Variants in GSR observed in about 807,000 individuals in gnomAD.
GSR encodes glutathione-disulfide reductase, also known as glutathione reductase, mitochondrial.
In GSR, 48 loss-of-function variants were observed where a neutral mutation model predicts 56.5. That is an observed-to-expected ratio of 0.85 (90% CI 0.67 to 1.08). The LOEUF is 1.08. Among genes scored for constraint, GSR ranks in the 50% least tolerant of loss-of-function variants. GSR has a pLI of 0.00. For synonymous variants in GSR, 264 were observed against 270.8 expected, an observed-to-expected ratio of 0.97 and a Z score of 0.25; for missense variants, 694 against 703.3, an observed-to-expected ratio of 0.99 and a Z score of 0.15.
chr8:30,716,360 A>G (rs950175722), intron 1 of GSR, among the ~76,000 whole-genome samples: 1 of 152,226 alleles, frequency 6.6e-6, no homozygotes, highest in African/African-American at 2.4e-5. Context: ...GGCCTGGGGC[A>G]CTGGTTGAAA....
chr8:30,694,063 G>A (rs1803472363), intron 7 of GSR, among the ~76,000 whole-genome samples: 1 of 152,106 alleles, frequency 6.6e-6, no homozygotes, highest in African/African-American at 2.4e-5. Context: ...CTAATTTGCT[G>A]GATATATTCT....
intron 6 of GSR, among the ~76,000 whole-genome samples, chr8:30,697,219 A>G (rs377231322): frequency 5.9e-5 from 9 of 151,996 alleles, no homozygotes; most frequent in African/African-American, 2.2e-4. Flanking sequence ...TTCGAGACCA[A>G]TCTGGCCAAC....
chr8:30,724,587 T>G, intron 1 of GSR, among the ~76,000 whole-genome samples: 1 of 146,182 alleles, frequency 6.8e-6, no homozygotes, highest in Non-Finnish European at 1.5e-5. Flanking sequence ...CTCACTCTGT[T>G]GCCCACACTG....
chr8:30,725,900 AG>A (rs1259739458), intron 1 of GSR, among the ~76,000 whole-genome samples: 2 of 151,490 alleles, frequency 1.3e-5, no homozygotes, highest in African/African-American at 4.9e-5. Flanking sequence ...AAAAAAAAAA[AG>A]AATTCATAAC....
Position 30,681,787 on chromosome 8 carries a change from G to A in GSR, c.1285+143C>T, listed in dbSNP as rs908936850. The A allele has an allele frequency of 5.3e-6, 4 of 754,556 alleles. No individual in the cohort carries two copies. The African/African-American group carries it at 6.9e-5, about 13-fold the overall frequency. The allele number at this position is 754,556 out of a possible 1,614,324, so 46.7% of individuals were successfully genotyped here. On this transcript the variant is annotated intron_variant, in intron 11 of 12. Coordinates refer to ENST00000221130, the MANE Select transcript of GSR (RefSeq NM_000637.5). The stretch of plus-strand genomic sequence containing the variant: ...AAAGTAGTAGCAGGGGAGAAAACTG[G>A]AACTGTGACAAGAGAGTAACCAAAA...
At chr8:30,724,261 C>T (rs11992338) in intron 1 of GSR, among the ~76,000 whole-genome samples, 16,545 of 152,156 alleles carry the variant, frequency 0.11, 2,797 homozygotes, top group African/African-American at 0.36. Flanking sequence ...TTCTATTGGG[C>T]ATCGCCAAGG....
At chr8:30,684,246 A>T in intron 9 of GSR, 47 bp from the exon 10 acceptor site, 1 of 1,030,750 alleles carries the variant, frequency 9.7e-7, no homozygotes. Context: ...CCACCTACTA[A>T]AAAAGGTAGA....
chr8:30,681,561 T>C (rs1586031253), intron 11 of GSR, among the ~76,000 whole-genome samples: 1 of 151,822 alleles, frequency 6.6e-6, no homozygotes, highest in Non-Finnish European at 1.5e-5. Context: ...ACTCGGTTTA[T>C]GTAAGGGCCA....
intron 1 of GSR, among the ~76,000 whole-genome samples, chr8:30,725,128 C>A (rs1804681577): frequency 6.6e-6 from 1 of 152,062 alleles, no homozygotes; most frequent in Non-Finnish European, 1.5e-5. Context: ...TCCCTACCCA[C>A]CCCCAATCCC....
At chr8:30,694,256 T>A (rs1803477797) in intron 7 of GSR, among the ~76,000 whole-genome samples, 1 of 152,150 alleles carries the variant, frequency 6.6e-6, no homozygotes, top group African/African-American at 2.4e-5. Flanking sequence ...ATCTTGGTAG[T>A]CAGGGATCTG....
At chr8:30,723,665 G>T (rs1290602788) in intron 1 of GSR, among the ~76,000 whole-genome samples, 2 of 151,794 alleles carry the variant, frequency 1.3e-5, no homozygotes, top group Non-Finnish European at 2.9e-5. Context: ...GGTGGCCTGC[G>T]CCTGTAGTCC....
intron 1 of GSR, 37 bp from the exon 2 acceptor site, chr8:30,712,125 T>C: frequency 1.6e-6 from 2 of 1,225,232 alleles, no homozygotes; most frequent in East Asian, 2.3e-5. Context: ...TTAAGAATAT[T>C]GAATTCAAAC....
At chr8:30,709,777 C>T in intron 3 of GSR, 37 bp downstream of exon 3, 1 of 1,137,262 alleles carries the variant, frequency 8.8e-7, no homozygotes, top group Non-Finnish European at 1.3e-6. Flanking sequence ...AAAATATCTA[C>T]ACTTGGAAAC....
chr8:30,708,758 C>A (rs1355527736), intron 3 of GSR, among the ~76,000 whole-genome samples: 1 of 150,614 alleles, frequency 6.6e-6, no homozygotes, highest in Non-Finnish European at 1.5e-5. Flanking sequence ...AGATCGAGAT[C>A]ATTCTGGCTA....
intron 1 of GSR, among the ~76,000 whole-genome samples, chr8:30,726,176 A>C (rs1002516349): frequency 6.6e-6 from 1 of 152,206 alleles, no homozygotes; most frequent in Non-Finnish European, 1.5e-5. Context: ...TTCATCTCCA[A>C]GGCACTGAAC....
chr8:30,700,673 G>A (rs1488828591), intron 5 of GSR, among the ~76,000 whole-genome samples: 3 of 132,184 alleles, frequency 2.3e-5, no homozygotes, highest in South Asian at 2.5e-4. Flanking sequence ...GCAGTGAGCC[G>A]AGATCGTGCC....
At chr8:30,714,437 G>C (rs1276282448) in intron 1 of GSR, among the ~76,000 whole-genome samples, 1 of 151,818 alleles carries the variant, frequency 6.6e-6, no homozygotes, top group Non-Finnish European at 1.5e-5. Flanking sequence ...CTGAGCTCAA[G>C]TGATCCACCC....
At chr8:30,682,981 C>T (rs971546068) in intron 10 of GSR, among the ~76,000 whole-genome samples, 5 of 152,060 alleles carry the variant, frequency 3.3e-5, no homozygotes, top group African/African-American at 1.2e-4. Context: ...GCGTGTGCCA[C>T]CACGCCCAGC....
intron 2 of GSR, among the ~76,000 whole-genome samples, chr8:30,711,706 G>A (rs1029696970): frequency 1.3e-5 from 2 of 152,054 alleles, no homozygotes; most frequent in East Asian, 1.9e-4. Flanking sequence ...AGTGGCGCAC[G>A]CCTGTCATCC....
Sources: gnomAD v4.1 joint callset for allele counts (sites outside exome capture counted in the v4.1 genomes callset) on GRCh38, gnomAD v4.1.1 for gene constraint, MANE v1.5 for transcripts, NCBI Gene and HGNC (gene_info 2026-07-23, HGNC 2026-07-21) for gene names.